The following ADAM12 variants were observed in gnomAD, a reference collection of about 807,000 sequenced individuals.
ADAM12 encodes the protein ADAM metallopeptidase domain 12.
In ADAM12, 70 loss-of-function variants were observed where a neutral mutation model predicts 106.4. That is an observed-to-expected ratio of 0.66 (90% confidence interval 0.54 to 0.80). The LOEUF is 0.80. Ranked by LOEUF, ADAM12 falls within the 30% of genes least tolerant of loss-of-function variation. The probability of loss-of-function intolerance (pLI) is 0.00; values close to 1 mark genes in which losing one functional copy is unlikely to be tolerated. For synonymous variants in ADAM12, 420 were observed against 433.5 expected, an observed-to-expected ratio of 0.97 and a Z score of 0.39; for missense variants, 1,010 against 1,171.9, an observed-to-expected ratio of 0.86 and a Z score of 2.02.
chr10:126,027,955 G>A (rs969719339), intron 21 of ADAM12, among the ~76,000 whole-genome samples: 4 of 152,134 alleles, frequency 2.6e-5, no homozygotes, highest in Admixed American at 2.6e-4. Context: ...AAACCCCATT[G>A]TCTTAGCCCA....
intron 3 of ADAM12, among the ~76,000 whole-genome samples, chr10:126,277,437 C>T (rs1959318994): frequency 6.6e-6 from 1 of 152,060 alleles, no homozygotes; most frequent in South Asian, 2.1e-4. Flanking sequence ...AGCTGCCCAC[C>T]ACAACAACCC....
chr10:126,317,434 A>C (rs1853921178), intron 2 of ADAM12, among the ~76,000 whole-genome samples: 1 of 152,228 alleles, frequency 6.6e-6, no homozygotes, highest in Non-Finnish European at 1.5e-5. Flanking sequence ...CTGAGTAAAA[A>C]GTGCATATGG....
intron 3 of ADAM12, among the ~76,000 whole-genome samples, chr10:126,220,432 G>C (rs1247424833): frequency 1.3e-5 from 2 of 152,106 alleles, no homozygotes; most frequent in African/African-American, 4.8e-5. Flanking sequence ...GCCTGGAGAG[G>C]AGAGCTGGAT....
intron 11 of ADAM12, among the ~76,000 whole-genome samples, chr10:126,078,750 G>A (rs1031795128): frequency 2.6e-5 from 4 of 152,064 alleles, no homozygotes; most frequent in Non-Finnish European, 5.9e-5. Context: ...CAATGAAACA[G>A]TTATTATTGC....
At chr10:126,116,997 A>G (rs1047274798) in intron 6 of ADAM12, among the ~76,000 whole-genome samples, 2 of 152,250 alleles carry the variant, frequency 1.3e-5, no homozygotes, top group African/African-American at 4.8e-5. Flanking sequence ...GGAGAAACCT[A>G]GAAGAAATGT....
chr10:126,042,793 G>A (rs970985744), intron 18 of ADAM12, among the ~76,000 whole-genome samples: 1 of 152,230 alleles, frequency 6.6e-6, no homozygotes, highest in East Asian at 1.9e-4. Context: ...TAAGAAAAGT[G>A]TCGCAGGCTA....
intron 3 of ADAM12, among the ~76,000 whole-genome samples, chr10:126,175,689 A>C (rs181383328): frequency 6.6e-6 from 1 of 152,308 alleles, no homozygotes; most frequent in Non-Finnish European, 1.5e-5. Flanking sequence ...GTGCCACGTA[A>C]GTGTCGTGCT....
intron 3 of ADAM12, among the ~76,000 whole-genome samples, chr10:126,259,460 G>A (rs6597752): frequency 0.77 from 116,991 of 152,188 alleles, 45,712 homozygotes; most frequent in East Asian, 0.85. Context: ...ACTGAAAAGA[G>A]CGATCACATG....
chr10:126,089,402 C>A (rs539207811), intron 11 of ADAM12, among the ~76,000 whole-genome samples: 63 of 152,224 alleles, frequency 4.1e-4, no homozygotes, highest in African/African-American at 1.5e-3. Flanking sequence ...TTTCCAAATG[C>A]CTATGAATTA....
At chr10:126,181,835 G>A (rs918040315) in intron 3 of ADAM12, among the ~76,000 whole-genome samples, 20 of 152,198 alleles carry the variant, frequency 1.3e-4, no homozygotes, top group African/African-American at 4.8e-4. Context: ...CAGTCCTTCT[G>A]GACCGACCAA....
chr10:126,156,170 A>T (rs1450532829), intron 3 of ADAM12, among the ~76,000 whole-genome samples: 1 of 152,146 alleles, frequency 6.6e-6, no homozygotes, highest in Non-Finnish European at 1.5e-5. Flanking sequence ...TCTTGATGAC[A>T]CCACGAGCTG....
intron 2 of ADAM12, among the ~76,000 whole-genome samples, chr10:126,297,160 T>C (rs546610070): frequency 6.6e-6 from 1 of 152,172 alleles, no homozygotes; most frequent in Non-Finnish European, 1.5e-5. Flanking sequence ...CTAAAGGAAA[T>C]AACTAGAAAA....
At chr10:126,363,469 C>T (rs906664854) in intron 1 of ADAM12, among the ~76,000 whole-genome samples, 4 of 152,168 alleles carry the variant, frequency 2.6e-5, no homozygotes, top group Admixed American at 1.3e-4. Context: ...TCTATCTGAG[C>T]CCCAAGGAGT....
intron 2 of ADAM12, among the ~76,000 whole-genome samples, chr10:126,282,520 C>T (rs1311131660): frequency 3.3e-5 from 5 of 152,166 alleles, no homozygotes; most frequent in Non-Finnish European, 5.9e-5. Context: ...AAGCAATACA[C>T]TGTTTAGTTT....
In ADAM12 at chr10:126,388,357, T is replaced by C. The variant is rs185861387; in HGVS notation, c.-212A>G. ...GTTTCCCCCCGTGTGTGTGCGTGCG[T>C]GCGCGCGCGCGCGCCGTTCTGGCAC... is the stretch of plus-strand genomic sequence containing the variant. On this transcript the variant is annotated 5_prime_UTR_variant, in exon 1 of 23. Transcript: ENST00000448723. This position sits in a 1 kb window ranked among gnomAD's most constrained non-coding sequence, Gnocchi z 4.4. The C allele has an allele frequency of 1.7e-3, 1,111 of 643,948 alleles. 18 individuals are homozygous for C. The African/African-American group carries it at 0.02, about 11-fold the overall frequency. 39.9% of individuals were successfully genotyped at this position (643,948 alleles called of 1,614,324 possible).
chr10:126,243,473 CTGTGTGTGTGAGTGTA>C (rs1314370489), intron 3 of ADAM12, among the ~76,000 whole-genome samples: 28 of 97,262 alleles, frequency 2.9e-4, no homozygotes, highest in Admixed American at 1.1e-3. Flanking sequence ...GGGAGCAACT[CTGTGTGTGTGAGTGTA>C]TGTGTGTGTG....
At chr10:126,303,250 T>C (rs1363950991) in intron 2 of ADAM12, among the ~76,000 whole-genome samples, 1 of 152,234 alleles carries the variant, frequency 6.6e-6, no homozygotes, top group African/African-American at 2.4e-5. Flanking sequence ...CAGTTGCTCA[T>C]ACTATCCTAT....
At chr10:126,337,393 G>A (rs1365103586) in intron 1 of ADAM12, among the ~76,000 whole-genome samples, 1 of 152,106 alleles carries the variant, frequency 6.6e-6, no homozygotes, top group Non-Finnish European at 1.5e-5. Context: ...GAAGTCACTG[G>A]TGCAAGTCCC....
chr10:126,217,988 AAAG>A (rs1958019553), intron 3 of ADAM12, among the ~76,000 whole-genome samples: 1 of 151,984 alleles, frequency 6.6e-6, no homozygotes, highest in African/African-American at 2.4e-5. Flanking sequence ...AAAAAAAAAA[AAAG>A]ATTACACTAT....
Sources: allele counts gnomAD v4.1 joint callset (sites outside exome capture counted in the v4.1 genomes callset), GRCh38; gene constraint gnomAD v4.1.1; non-coding constraint Gnocchi (gnomAD v3.1); transcripts MANE v1.5; gene names NCBI Gene and HGNC (gene_info 2026-07-23, HGNC 2026-07-21).